The following TRAPPC9 variants were observed in gnomAD, a reference collection of about 807,000 sequenced individuals.
TRAPPC9 encodes trafficking protein particle complex subunit 9.
In TRAPPC9, 83 loss-of-function variants were observed where a neutral mutation model predicts 124.0. The ratio of observed to expected loss-of-function variants is 0.67; its 90% CI spans 0.56 to 0.80. TRAPPC9 has a LOEUF of 0.80. Ranked by LOEUF, TRAPPC9 falls within the 30% of genes least tolerant of loss-of-function variation. The pLI is 0.00. For synonymous variants in TRAPPC9, 638 were observed against 617.5 expected (o/e 1.03, Z -0.49); for missense variants, 1,302 against 1,508.3 (o/e 0.86, Z 2.27).
intron 21 of TRAPPC9, among the ~76,000 whole-genome samples, chr8:139,797,603 C>A (rs1004604885): frequency 1.3e-5 from 2 of 152,132 alleles, no homozygotes; most frequent in Admixed American, 6.5e-5. Flanking sequence ...TGTGCCCTAC[C>A]TAGGAAACCA....
At chr8:140,204,832 C>T (rs1201361087) in intron 17 of TRAPPC9, among the ~76,000 whole-genome samples, 1 of 152,118 alleles carries the variant, frequency 6.6e-6, no homozygotes, top group East Asian at 1.9e-4. Flanking sequence ...TGTTCCTTTA[C>T]AGGAATGAAA....
intron 21 of TRAPPC9, among the ~76,000 whole-genome samples, chr8:139,877,918 C>T (rs1239415939): frequency 6.6e-6 from 1 of 152,224 alleles, no homozygotes; most frequent in Non-Finnish European, 1.5e-5. Context: ...CCAGTTGGCT[C>T]AGCGCTGACT....
chr8:140,316,966 G>A (rs529052155), intron 9 of TRAPPC9, among the ~76,000 whole-genome samples: 3 of 152,236 alleles, frequency 2.0e-5, no homozygotes, highest in East Asian at 1.9e-4. Context: ...ATGTGTCCAC[G>A]CAGTTATCCA....
chr8:139,965,967 C>A (rs1835681305), intron 19 of TRAPPC9, among the ~76,000 whole-genome samples: 1 of 152,246 alleles, frequency 6.6e-6, no homozygotes, highest in Non-Finnish European at 1.5e-5. Context: ...CAGCACCAGG[C>A]CTGTCTGCGG....
At chr8:139,968,068 G>C (rs1835822822) in intron 19 of TRAPPC9, among the ~76,000 whole-genome samples, 1 of 151,736 alleles carries the variant, frequency 6.6e-6, no homozygotes, top group African/African-American at 2.4e-5. Flanking sequence ...TTGAACCAGG[G>C]AGGTGGAGGT....
intron 19 of TRAPPC9, among the ~76,000 whole-genome samples, chr8:139,947,491 A>G (rs939221719): frequency 6.6e-6 from 1 of 152,212 alleles, no homozygotes; most frequent in African/African-American, 2.4e-5. Flanking sequence ...TTTAATTTAA[A>G]TAAGGCTTTG....
At chr8:139,790,027 C>A in intron 21 of TRAPPC9, among the ~76,000 whole-genome samples, 1 of 152,094 alleles carries the variant, frequency 6.6e-6, no homozygotes, top group East Asian at 1.9e-4. Context: ...GGGGCCTGGC[C>A]GGGCTGGGGA....
chr8:139,844,290 T>C (rs1826925490), intron 21 of TRAPPC9, among the ~76,000 whole-genome samples: 1 of 152,212 alleles, frequency 6.6e-6, no homozygotes, highest in Admixed American at 6.5e-5. Flanking sequence ...ACCCGGCTGT[T>C]GTGAAGGTCA....
chr8:140,103,643 A>T, intron 17 of TRAPPC9, among the ~76,000 whole-genome samples: 1 of 152,252 alleles, frequency 6.6e-6, no homozygotes, highest in East Asian at 1.9e-4. Context: ...GAATCTAATA[A>T]GTAGCAATGA....
chr8:139,889,887 G>C (rs921761317), intron 20 of TRAPPC9, among the ~76,000 whole-genome samples: 12 of 152,182 alleles, frequency 7.9e-5, no homozygotes, highest in African/African-American at 2.9e-4. Flanking sequence ...CAGCCGCCCT[G>C]TGTGTTCATT....
intron 21 of TRAPPC9, among the ~76,000 whole-genome samples, chr8:139,761,195 G>A (rs1820193926): frequency 6.6e-6 from 1 of 152,218 alleles, no homozygotes; most frequent in African/African-American, 2.4e-5. Flanking sequence ...AGGGGATGAG[G>A]TGCCTGTGCT....
At chr8:140,118,184 G>A (rs2060924561) in intron 17 of TRAPPC9, among the ~76,000 whole-genome samples, 1 of 152,212 alleles carries the variant, frequency 6.6e-6, no homozygotes, top group Non-Finnish European at 1.5e-5. Flanking sequence ...ATACCGAGGA[G>A]CAAGACCCCA....
chr8:140,410,614 C>T (rs1000620540), intron 5 of TRAPPC9, among the ~76,000 whole-genome samples: 44 of 152,244 alleles, frequency 2.9e-4, no homozygotes, highest in African/African-American at 9.1e-4. Context: ...AAGGCCGAGG[C>T]GGGCGGACCA....
intron 17 of TRAPPC9, among the ~76,000 whole-genome samples, chr8:140,033,004 C>T (rs962710947): frequency 3.9e-5 from 6 of 152,218 alleles, no homozygotes; most frequent in African/African-American, 7.2e-5. Context: ...TTTCCATATG[C>T]TTGGCACATT....
intron 17 of TRAPPC9, among the ~76,000 whole-genome samples, chr8:140,122,645 G>A (rs2061009601): frequency 6.6e-6 from 1 of 152,182 alleles, no homozygotes; most frequent in African/African-American, 2.4e-5. Context: ...GTATATCTAA[G>A]TCCAACACAA....
intron 17 of TRAPPC9, among the ~76,000 whole-genome samples, chr8:140,185,867 A>G (rs113713549): frequency 6.6e-6 from 1 of 152,216 alleles, no homozygotes; most frequent in South Asian, 2.1e-4. Context: ...GAGAGGAACT[A>G]CAGGCTCAGG....
rs180879942 is a variant in TRAPPC9, at chr8:140,015,783, G to A, written c.2699+8154C>T. Among the ~76,000 whole-genome samples, 513 of 144,100 alleles carry A rather than the reference G, an allele frequency of 3.6e-3. 1 individual carries two copies. The highest frequency in any genetic ancestry group is 0.012 in the African/African-American group (499 of 40,762). 94.5% of individuals were successfully genotyped at this position (144,100 alleles called of 152,430 possible). A position where few individuals can be genotyped will look rare whatever the true frequency, so the allele number is the denominator to read the frequency against. On this transcript the variant is annotated intron_variant, in intron 18 of 22. Transcript: ENST00000438773. Reference sequence around the variant, plus strand: ...AGGTTGTGCCACTGCACTCCAGCCCGAGCAAAAGAAAAGAAAAATAGAACT... The same window carrying A: ...AGGTTGTGCCACTGCACTCCAGCCCAAGCAAAAGAAAAGAAAAATAGAACT...
chr8:140,014,235 G>T (rs980251812), intron 18 of TRAPPC9, among the ~76,000 whole-genome samples: 6 of 152,106 alleles, frequency 3.9e-5, no homozygotes, highest in Admixed American at 6.5e-5. Context: ...ATCGTTTATT[G>T]TAACAGGCTA....
chr8:139,873,635 A>G, intron 21 of TRAPPC9, among the ~76,000 whole-genome samples: 1 of 152,156 alleles, frequency 6.6e-6, no homozygotes, highest in East Asian at 1.9e-4. Context: ...GGCCAAGTAA[A>G]TGGGAGGGGG....
Sources: gnomAD v4.1 joint callset for allele counts (sites outside exome capture counted in the v4.1 genomes callset) on GRCh38, gnomAD v4.1.1 for gene constraint, MANE v1.5 for transcripts, NCBI Gene and HGNC (gene_info 2026-07-23, HGNC 2026-07-21) for gene names.